Variants in HSD17B12 observed in about 807,000 individuals in gnomAD.
HSD17B12 encodes very-long-chain 3-oxoacyl-CoA reductase.
HSD17B12 carries 32 observed loss-of-function variants against 39.3 expected under a neutral mutation model. That is an observed-to-expected ratio of 0.81 (90% CI 0.61 to 1.09). HSD17B12 has a LOEUF of 1.09. Ranked by LOEUF, HSD17B12 falls within the 50% of genes least tolerant of loss-of-function variation. HSD17B12 has a pLI of 0.00. For synonymous variants in HSD17B12, 150 were observed against 146.7 expected, an observed-to-expected ratio of 1.02 and a Z score of -0.16; for missense variants, 342 against 382.9, an observed-to-expected ratio of 0.89 and a Z score of 0.89.
the HSD17B12 span, among the ~76,000 whole-genome samples, chr11:43,647,468 G>T: frequency 5.5e-5 from 6 of 109,528 alleles, no homozygotes; most frequent in African/African-American, 6.6e-5. Flanking sequence ...TTTTGAGACA[G>T]TTTTTCACTA....
chr11:43,825,255 T>C (rs185124849), intron 6 of HSD17B12, among the ~76,000 whole-genome samples: 2 of 152,336 alleles, frequency 1.3e-5, no homozygotes, highest in African/African-American at 4.8e-5. Flanking sequence ...ATTTTTTCCT[T>C]TTTATACCAC....
At chr11:43,592,130 T>G in the HSD17B12 span, among the ~76,000 whole-genome samples, 1 of 152,078 alleles carries the variant, frequency 6.6e-6, no homozygotes, top group East Asian at 1.9e-4. Flanking sequence ...CATCTCAAAT[T>G]TTTTTTCTGT....
At chr11:43,575,774 C>A in the HSD17B12 span, among the ~76,000 whole-genome samples, 1 of 152,238 alleles carries the variant, frequency 6.6e-6, no homozygotes, top group East Asian at 1.9e-4. The surrounding 1 kb of genome is among the most constrained non-coding windows in gnomAD (Gnocchi z 4.1). Flanking sequence ...AGACTCAAGG[C>A]GGCTGCTCCG....
chr11:43,653,242 C>T, the HSD17B12 span, among the ~76,000 whole-genome samples: 2 of 151,958 alleles, frequency 1.3e-5, no homozygotes, highest in Admixed American at 6.6e-5. Context: ...AGTTGGATAT[C>T]CATATGCAAA....
At chr11:43,783,223 G>A (rs978952602) in intron 3 of HSD17B12, among the ~76,000 whole-genome samples, 2 of 152,120 alleles carry the variant, frequency 1.3e-5, no homozygotes, top group Non-Finnish European at 2.9e-5. Flanking sequence ...AGGCTCTGAG[G>A]ATTAGAAGAT....
At chr11:43,654,060 T>C in the HSD17B12 span, among the ~76,000 whole-genome samples, 3 of 152,026 alleles carry the variant, frequency 2.0e-5, no homozygotes, top group Non-Finnish European at 4.4e-5. Flanking sequence ...GCACCTGTTG[T>C]TTCCTGACTT....
chr11:43,715,566 A>G (rs7129818), intron 1 of HSD17B12, among the ~76,000 whole-genome samples: 76,647 of 151,890 alleles, frequency 0.5, 19,830 homozygotes, highest in African/African-American at 0.53. Flanking sequence ...TGTTCATCTG[A>G]GATATTGGTC....
chr11:43,746,456 A>G (rs1409738010), intron 1 of HSD17B12, among the ~76,000 whole-genome samples: 1 of 152,106 alleles, frequency 6.6e-6, no homozygotes, highest in African/African-American at 2.4e-5. Flanking sequence ...GATCCTCAAT[A>G]TCAGTGTCTT....
chr11:43,730,835 A>G (rs1415926345), intron 1 of HSD17B12, among the ~76,000 whole-genome samples: 1 of 152,152 alleles, frequency 6.6e-6, no homozygotes, highest in East Asian at 1.9e-4. Flanking sequence ...TGGCCCAAAC[A>G]TAGGACTTTA....
At chr11:43,660,898 G>T in the HSD17B12 span, among the ~76,000 whole-genome samples, 1 of 152,192 alleles carries the variant, frequency 6.6e-6, no homozygotes, top group Non-Finnish European at 1.5e-5. Flanking sequence ...GCTGAGGCAG[G>T]TGGATTACCT....
At chr11:43,663,542 A>G in the HSD17B12 span, among the ~76,000 whole-genome samples, 1 of 152,170 alleles carries the variant, frequency 6.6e-6, no homozygotes, top group South Asian at 2.1e-4. Context: ...AATTGGATAT[A>G]TTTTTGAATA....
chr11:43,822,649 A>G (rs1051604205), intron 6 of HSD17B12, among the ~76,000 whole-genome samples: 6 of 152,194 alleles, frequency 3.9e-5, no homozygotes, highest in Non-Finnish European at 8.8e-5. Flanking sequence ...ATGTCCCTAC[A>G]CAGGACATGA....
At chr11:43,814,162 T>G (rs926469867) in intron 4 of HSD17B12, among the ~76,000 whole-genome samples, 2 of 137,884 alleles carry the variant, frequency 1.5e-5, no homozygotes, top group South Asian at 2.3e-4. Flanking sequence ...TCAGTTATTA[T>G]GATTTTTTTT....
intron 1 of HSD17B12, among the ~76,000 whole-genome samples, chr11:43,725,129 A>G (rs887789203): frequency 2.6e-5 from 4 of 152,298 alleles, no homozygotes; most frequent in Non-Finnish European, 5.9e-5. Context: ...TTTCACAGAC[A>G]TGGCAGTACA....
At chr11:43,606,385 C>T in the HSD17B12 span, among the ~76,000 whole-genome samples, 1 of 152,158 alleles carries the variant, frequency 6.6e-6, no homozygotes, top group Non-Finnish European at 1.5e-5. Context: ...CTAAGGCTGC[C>T]ATTTTGTGGA....
At chr11:43,715,908 A>G (rs1444114005) in intron 1 of HSD17B12, among the ~76,000 whole-genome samples, 2 of 152,126 alleles carry the variant, frequency 1.3e-5, no homozygotes, top group African/African-American at 4.8e-5. Flanking sequence ...GCTAGGTGAT[A>G]GGTGTATCTG....
the HSD17B12 span, among the ~76,000 whole-genome samples, chr11:43,624,989 T>C: frequency 6.6e-6 from 1 of 151,814 alleles, no homozygotes; most frequent in Non-Finnish European, 1.5e-5. Flanking sequence ...AATATGGATC[T>C]GTGGTATACA....
intron 1 of HSD17B12, among the ~76,000 whole-genome samples, chr11:43,697,661 A>C (rs562301256): frequency 6.6e-6 from 1 of 152,344 alleles, no homozygotes; most frequent in South Asian, 2.1e-4. Context: ...AGAGATGGGC[A>C]GGTGAGGGGT....
the HSD17B12 span, among the ~76,000 whole-genome samples, chr11:43,632,311 A>C: frequency 6.6e-6 from 1 of 152,356 alleles, no homozygotes; most frequent in South Asian, 2.1e-4. Context: ...AGTACTAGGC[A>C]TGTAAAGCTA....
Sources: gnomAD v4.1 joint callset for allele counts (sites outside exome capture counted in the v4.1 genomes callset) on GRCh38, gnomAD v4.1.1 for gene constraint, Gnocchi (gnomAD v3.1) non-coding constraint, MANE v1.5 for transcripts, NCBI Gene and HGNC (gene_info 2026-07-23, HGNC 2026-07-21) for gene names.